Variants in PARD3 observed in about 807,000 individuals in gnomAD.
The protein encoded by PARD3 is par-3 family cell polarity regulator.
In PARD3, 75 loss-of-function variants were observed where a neutral mutation model predicts 155.4. That is an observed-to-expected ratio of 0.48 (90% CI 0.40 to 0.58). The LOEUF is 0.58. Among genes scored for constraint, PARD3 ranks in the 20% least tolerant of loss-of-function variants. The pLI, the probability that PARD3 is intolerant of heterozygous loss-of-function variation, is 0.00. For missense variants in PARD3, 1,642 were observed against 1,721.7 expected, an observed-to-expected ratio of 0.95 and a Z score of 0.82; for synonymous variants, 576 against 610.5, an observed-to-expected ratio of 0.94 and a Z score of 0.83.
chr10:34,313,302 T>C (rs1157554575), intron 20 of PARD3, among the ~76,000 whole-genome samples: 1 of 152,252 alleles, frequency 6.6e-6, no homozygotes, highest in Non-Finnish European at 1.5e-5. Context: ...CACTCAGGTT[T>C]CTTAGATACA....
intron 2 of PARD3, among the ~76,000 whole-genome samples, chr10:34,557,071 C>T (rs892944468): frequency 4.6e-5 from 7 of 152,142 alleles, no homozygotes; most frequent in African/African-American, 1.4e-4. Flanking sequence ...ACCCAGGGGT[C>T]CACCCTGCAG....
rs539154164 is a variant in PARD3 at position 34,539,440 on chromosome 10, G to GGGCA, written c.223-22285_223-22282dup. 2.6e-3 allele frequency among the ~76,000 whole-genome samples: 402 copies of GGGCA among 152,268 alleles called. 1 individual carries two copies. Among genetic ancestry groups the GGGCA allele is most frequent in the Middle Eastern group, 0.01 (3 of 294 alleles). ...TTCCAGCACTTTGGGAAGCCAAGGC[G>GGGCA]GGCAGATCACCTAAGGTCAGGAGTT... On this transcript the variant is annotated intron_variant, in intron 2 of 24. Transcript: ENST00000374788.
intron 4 of PARD3, among the ~76,000 whole-genome samples, chr10:34,461,682 T>A (rs2077663215): frequency 6.6e-6 from 1 of 152,164 alleles, no homozygotes; most frequent in Admixed American, 6.5e-5. Context: ...GTATATAGAC[T>A]ACGCAAAATT....
intron 20 of PARD3, among the ~76,000 whole-genome samples, chr10:34,288,302 T>C (rs1956501012): frequency 6.6e-6 from 1 of 152,234 alleles, no homozygotes; most frequent in Admixed American, 6.5e-5. Context: ...TTTCTTTTAG[T>C]AATTGCTTTA....
chr10:34,719,099 T>TA, intron 1 of PARD3, among the ~76,000 whole-genome samples: 1 of 152,258 alleles, frequency 6.6e-6, no homozygotes. Context: ...AATATACTGA[T>TA]ACGTTGAATT....
chr10:34,111,656 T>G lies in PARD3; in HGVS notation c.3669-94A>C, dbSNP rs1432409823. 5 of 1,026,372 alleles carry G rather than the reference T, an allele frequency of 4.9e-6. No individual in the cohort carries two copies. In the East Asian group the frequency reaches 9.7e-5, roughly 20 times the overall value. The allele number at this position is 1,026,372 out of a possible 1,614,324, so 63.6% of individuals were successfully genotyped here. On this transcript the variant is annotated intron_variant, in intron 24 of 24. Coordinates refer to ENST00000374788, the MANE Select transcript of PARD3 (RefSeq NM_001184785.2). ...GATGGGATGGAATATGCATTTTCACTTTTCAACAAATATTCCTGTTCTCTC... is the reference window on the plus strand; with the variant it reads ...GATGGGATGGAATATGCATTTTCACGTTTCAACAAATATTCCTGTTCTCTC...
chr10:34,169,698 G>C (rs534743877), intron 22 of PARD3, among the ~76,000 whole-genome samples: 1 of 152,144 alleles, frequency 6.6e-6, no homozygotes, highest in Non-Finnish European at 1.5e-5. Flanking sequence ...TTTAAAACTG[G>C]GATACAGTTT....
At chr10:34,161,067 C>A (rs1337801150) in intron 22 of PARD3, among the ~76,000 whole-genome samples, 1 of 151,846 alleles carries the variant, frequency 6.6e-6, no homozygotes, top group Non-Finnish European at 1.5e-5. Flanking sequence ...TATAGTGAGA[C>A]CTCATCTCTA....
chr10:34,555,781 T>A (rs1345228388), intron 2 of PARD3, among the ~76,000 whole-genome samples: 1 of 152,012 alleles, frequency 6.6e-6, no homozygotes, highest in Non-Finnish European at 1.5e-5. Context: ...CTAACCCCCA[T>A]CCAAAGGAGT....
intron 2 of PARD3, among the ~76,000 whole-genome samples, chr10:34,612,493 T>C (rs2090982627): frequency 6.6e-6 from 1 of 152,180 alleles, no homozygotes; most frequent in African/African-American, 2.4e-5. Flanking sequence ...AAAGGATCGA[T>C]ATGGACGTGT....
At chr10:34,763,979 C>T (rs1264526432) in intron 1 of PARD3, among the ~76,000 whole-genome samples, 3 of 152,112 alleles carry the variant, frequency 2.0e-5, no homozygotes, top group Non-Finnish European at 4.4e-5. Context: ...CTTAGTTTAC[C>T]AATAAATAGG....
At chr10:34,748,690 C>T (rs1684727036) in intron 1 of PARD3, among the ~76,000 whole-genome samples, 1 of 152,086 alleles carries the variant, frequency 6.6e-6, no homozygotes, top group Admixed American at 6.5e-5. Context: ...CCTGGCTCAC[C>T]TCCTCCGTAA....
Position 34,712,578 on chromosome 10 carries a change from A to G in PARD3, c.121-16159T>C, listed in dbSNP as rs148614952. On this transcript the variant is annotated intron_variant, in intron 1 of 24. Coordinates refer to ENST00000374788, the MANE Select transcript of PARD3 (RefSeq NM_001184785.2). ...ATCAACACCACATAATGTCACAGTC[A>G]AGCATAGCTTAGGCTCAGACGCTAA... 2.6e-5 allele frequency among the ~76,000 whole-genome samples: 4 copies of G among 152,376 alleles called. No homozygotes were observed. In the East Asian group the frequency reaches 7.7e-4, roughly 29 times the overall value.
At chr10:34,325,197 A>G (rs561401232) in intron 19 of PARD3, among the ~76,000 whole-genome samples, 5 of 152,206 alleles carry the variant, frequency 3.3e-5, no homozygotes, top group African/African-American at 1.2e-4. Context: ...TTTAGTAGAG[A>G]TGGGGTCTCG....
intron 1 of PARD3, among the ~76,000 whole-genome samples, chr10:34,791,655 C>T (rs1223358164): frequency 6.6e-6 from 1 of 152,070 alleles, no homozygotes; most frequent in Non-Finnish European, 1.5e-5. Context: ...CTGTGACAAT[C>T]GCCTGAGGCC....
intron 1 of PARD3, among the ~76,000 whole-genome samples, chr10:34,700,841 G>A (rs1363167132): frequency 5.9e-5 from 9 of 152,068 alleles, no homozygotes; most frequent in East Asian, 5.8e-4. Flanking sequence ...GCATGGTGGC[G>A]TGCGCCTGTA....
At chr10:34,670,299 C>T (rs2093586774) in intron 2 of PARD3, among the ~76,000 whole-genome samples, 1 of 152,354 alleles carries the variant, frequency 6.6e-6, no homozygotes, top group East Asian at 1.9e-4. Flanking sequence ...CCAGCCAGCG[C>T]GTGCACACCG....
At chr10:34,122,427 T>C (rs1947054967) in intron 23 of PARD3, among the ~76,000 whole-genome samples, 1 of 152,244 alleles carries the variant, frequency 6.6e-6, no homozygotes, top group African/African-American at 2.4e-5. Context: ...AAGTATCTAG[T>C]TGGATCTGGA....
At chr10:34,712,247 G>A (rs868636263) in intron 1 of PARD3, among the ~76,000 whole-genome samples, 1 of 152,186 alleles carries the variant, frequency 6.6e-6, no homozygotes, top group Non-Finnish European at 1.5e-5. Context: ...TTTACTGAGG[G>A]AAGGTAGTGA....
Sources: gnomAD v4.1 joint callset for allele counts (sites outside exome capture counted in the v4.1 genomes callset) on GRCh38, gnomAD v4.1.1 for gene constraint, MANE v1.5 for transcripts, NCBI Gene and HGNC (gene_info 2026-07-23, HGNC 2026-07-21) for gene names.